The following RHOQ variants were observed in gnomAD, a reference collection of about 807,000 sequenced individuals.
RHOQ encodes the protein rho-related GTP-binding protein RhoQ.
A neutral mutation model predicts 25.8 loss-of-function variants in RHOQ; 7 were observed. The observed-to-expected ratio is 0.27, with a 90% CI of 0.15 to 0.51. The LOEUF (loss-of-function observed/expected upper bound fraction) is 0.51. Among genes scored for constraint, RHOQ ranks in the 20% least tolerant of loss-of-function variants. The pLI, the probability that RHOQ is intolerant of heterozygous loss-of-function variation, is 0.97. For synonymous variants in RHOQ, 97 were observed against 98.6 expected, an observed-to-expected ratio of 0.98 and a Z score of 0.10; for missense variants, 165 against 260.6, an observed-to-expected ratio of 0.63 and a Z score of 2.53.
chr2:46,580,285 C>G (rs988231927), intron 4 of RHOQ: 1 of 152,382 alleles, frequency 6.6e-6, no homozygotes, highest in African/African-American at 2.4e-5. Flanking sequence ...AACCTTTGTA[C>G]TTTTGTTGTT....
chr2:46,543,059 C>G lies in RHOQ; in HGVS notation c.13C>G (p.Pro5Ala). The change falls in exon 1 of 5, where the codon CCC becomes GCC. Residue 5 changes from proline to alanine, a missense_variant. Pro to Ala is a conservative substitution (Grantham distance 27). Coordinates refer to ENST00000238738, the MANE Select transcript of RHOQ (RefSeq NM_012249.4). MAHG[P>A]GALMLKCVVV... is the part of the protein sequence containing the mutation. ...GGCCGGCAGCAGCATGGCTCACGGG[C>G]CCGGCGCGCTGATGCTCAAGTGCGT... 4 of 1,601,392 alleles carry G rather than the reference C, an allele frequency of 2.5e-6. No individual in the cohort carries two copies. The highest frequency in any genetic ancestry group is 3.4e-6 in the Non-Finnish European group (4 of 1,175,432).
At position 46,548,487 on chromosome 2, in the gene RHOQ, G is replaced by A. The variant is rs2103983704; in HGVS notation, c.201+4675G>A. ...TTCAAGGTAGACTTCTCCCAGATGA[G>A]GAAATTGGGAACAAGTGGGCTTATG... On this transcript the variant is annotated intron_variant, in intron 2 of 4. Coordinates refer to ENST00000238738, the MANE Select transcript of RHOQ (RefSeq NM_012249.4). The surrounding 1 kb of genome is among the most constrained non-coding windows in gnomAD (Gnocchi z 5.2). 6.6e-6 allele frequency among the ~76,000 whole-genome samples: 1 copy of A among 152,358 alleles called. No individual in the cohort carries two copies. The highest frequency in any genetic ancestry group is 2.1e-4 in the South Asian group (1 of 4,826).
At chr2:46,568,384 A>G (rs577270692) in intron 2 of RHOQ, 1 of 152,328 alleles carries the variant, frequency 6.6e-6, no homozygotes, top group Non-Finnish European at 1.5e-5. Context: ...TAGGGTAAAG[A>G]CACAGGAAGC....
At chr2:46,563,264 G>T (rs978742645) in intron 2 of RHOQ, among the ~76,000 whole-genome samples, 2 of 152,124 alleles carry the variant, frequency 1.3e-5, no homozygotes, top group Admixed American at 1.3e-4. Flanking sequence ...CCACCTCTCC[G>T]TGTGACTCTG....
In RHOQ at chr2:46,556,046, C is replaced by G. The variant is rs961503244; in HGVS notation, c.201+12234C>G. On this transcript the variant is annotated intron_variant, in intron 2 of 4. Coordinates refer to ENST00000238738, the MANE Select transcript of RHOQ (RefSeq NM_012249.4). This position sits in a 1 kb window ranked among gnomAD's most constrained non-coding sequence, Gnocchi z 4.9. ...CCCCAGAACGAAACCCCATACCCAC[C>G]GACAGTCACTCCCCACCATTCCTCC... 6.6e-6 allele frequency among the ~76,000 whole-genome samples: 1 copy of G among 152,116 alleles called. No homozygotes were observed. Among genetic ancestry groups the G allele is most frequent in the Non-Finnish European group, 1.5e-5 (1 of 68,016 alleles).
chr2:46,559,327 T>C (rs1006299899), intron 2 of RHOQ, among the ~76,000 whole-genome samples: 4 of 152,188 alleles, frequency 2.6e-5, no homozygotes, highest in Non-Finnish European at 5.9e-5. Flanking sequence ...TCATCTCTGA[T>C]TTCTCTGAGG....
chr2:46,563,780 T>G (rs1329305031), intron 2 of RHOQ, among the ~76,000 whole-genome samples: 2 of 152,088 alleles, frequency 1.3e-5, no homozygotes, highest in East Asian at 3.9e-4. Flanking sequence ...ATCATACCTT[T>G]GCACACTTGT....
At position 46,552,146 on chromosome 2, in the gene RHOQ, T is replaced by C. The variant is rs529931391; in HGVS notation, c.201+8334T>C. On this transcript the variant is annotated intron_variant, in intron 2 of 4. Transcript: ENST00000238738. The surrounding 1 kb of genome is among the most constrained non-coding windows in gnomAD (Gnocchi z 5.0). ...TCTAGCTAGAAGAGATGGTGGAACA[T>C]TGTGTATAGGTGGAACACGTAGGGA... is the stretch of plus-strand genomic sequence containing the variant. Among the ~76,000 whole-genome samples, 187 of 152,334 alleles carry C rather than the reference T, an allele frequency of 1.2e-3. No homozygotes were observed. Among genetic ancestry groups the C allele is most frequent in the Middle Eastern group, 6.8e-3 (2 of 294 alleles).
At chr2:46,546,472 ATG>A (rs56832386) in intron 2 of RHOQ, among the ~76,000 whole-genome samples, 2,535 of 69,682 alleles carry the variant, frequency 0.036, 147 homozygotes, top group Middle Eastern at 0.058. Flanking sequence ...ATATATATAT[ATG>A]TGTATATATA....
In RHOQ at chr2:46,543,072, T is replaced by C; in HGVS notation, c.26T>C (p.Met9Thr). 1.2e-6 allele frequency: 2 copies of C among 1,604,860 alleles called. No individual in the cohort carries two copies. The highest frequency in any genetic ancestry group is 1.7e-6 in the Non-Finnish European group (2 of 1,176,588). The change falls in exon 1 of 5, where the codon ATG becomes ACG. Residue 9 changes from methionine to threonine, a missense_variant. By Grantham distance (81) the Met-to-Thr change is moderately conservative. Transcript: ENST00000238738. ...ATGGCTCACGGGCCCGGCGCGCTGA[T>C]GCTCAAGTGCGTGGTGGTCGGCGAC... is the stretch of plus-strand genomic sequence containing the variant. MAHGPGAL[M>T]LKCVVVGDGA...
intron 2 of RHOQ, among the ~76,000 whole-genome samples, chr2:46,572,251 T>A (rs1170020688): frequency 1.3e-5 from 2 of 151,492 alleles, no homozygotes; most frequent in Non-Finnish European, 2.9e-5. Context: ...TGCAGGCATG[T>A]GCCACCATGC....
In RHOQ at chr2:46,548,722, G is replaced by T. The variant is rs144737502; in HGVS notation, c.201+4910G>T. ...CATCAGCTGCAACAGGTGAGATGCT[G>T]GCACTGAGCATCCTGGTTTCCCTTA... On this transcript the variant is annotated intron_variant, in intron 2 of 4. Coordinates refer to ENST00000238738, the MANE Select transcript of RHOQ (RefSeq NM_012249.4). This position sits in a 1 kb window ranked among gnomAD's most constrained non-coding sequence, Gnocchi z 5.2. Among the ~76,000 whole-genome samples, 9 of 152,078 alleles carry T rather than the reference G, an allele frequency of 5.9e-5. No individual in the cohort carries two copies. Among genetic ancestry groups the T allele is most frequent in the African/African-American group, 2.2e-4 (9 of 41,374 alleles).
At position 46,566,252 on chromosome 2, in the gene RHOQ, A is replaced by G. The variant is rs1382494707; in HGVS notation, c.202-9835A>G. On this transcript the variant is annotated intron_variant, in intron 2 of 4. Coordinates refer to ENST00000238738, the MANE Select transcript of RHOQ (RefSeq NM_012249.4). This position sits in a 1 kb window ranked among gnomAD's most constrained non-coding sequence, Gnocchi z 4.2. ...GTTGAATTTGAGATGCTTCTGGTTCAGCTAAAAGGAGGTACATAGTAATAA... is the reference window on the plus strand; with the variant it reads ...GTTGAATTTGAGATGCTTCTGGTTCGGCTAAAAGGAGGTACATAGTAATAA... Among the ~76,000 whole-genome samples, 3 of 152,194 alleles carry G rather than the reference A, an allele frequency of 2.0e-5. No homozygotes were observed. Among genetic ancestry groups the G allele is most frequent in the Admixed American group, 6.5e-5 (1 of 15,282 alleles).
At chr2:46,578,195 C>G (rs1241413266) in intron 4 of RHOQ, among the ~76,000 whole-genome samples, 1 of 151,878 alleles carries the variant, frequency 6.6e-6, no homozygotes, top group Non-Finnish European at 1.5e-5. Context: ...ATAGAATTGG[C>G]AAAAAATGAG....
At chr2:46,543,230 C>G in intron 1 of RHOQ, 42 bp downstream of exon 1, 3 of 1,608,334 alleles carry the variant, frequency 1.9e-6, no homozygotes, top group Non-Finnish European at 2.5e-6. Flanking sequence ...CTCCCCGGGC[C>G]GGGAACTTTG....
At position 46,555,909 on chromosome 2, in the gene RHOQ, G is replaced by A. The variant is rs558190568; in HGVS notation, c.201+12097G>A. 9.2e-5 allele frequency among the ~76,000 whole-genome samples: 14 copies of A among 152,310 alleles called. No homozygotes were observed. The highest frequency in any genetic ancestry group is 2.4e-4 in the African/African-American group (10 of 41,562). On this transcript the variant is annotated intron_variant, in intron 2 of 4. Coordinates refer to ENST00000238738, the MANE Select transcript of RHOQ (RefSeq NM_012249.4). This position sits in a 1 kb window ranked among gnomAD's most constrained non-coding sequence, Gnocchi z 4.3. ...CATCTAGGCAAGCTGGTGTTAAGAC[G>A]CAAGTAATTACTCAGAGAAATTGCT...
chr2:46,576,190 A>C lies in RHOQ; in HGVS notation c.305A>C (p.Glu102Ala). The C allele has an allele frequency of 6.2e-7, 1 of 1,613,192 alleles. No individual in the cohort carries two copies. Among genetic ancestry groups the C allele is most frequent in the Non-Finnish European group, 8.5e-7 (1 of 1,179,418 alleles). The change falls in exon 3 of 5, where the codon GAG (glutamate) becomes GCG (alanine). Residue 102 changes from glutamate (E) to alanine (A), a missense_variant. Transcript: ENST00000238738. The surrounding 1 kb of genome is among the most constrained non-coding windows in gnomAD (Gnocchi z 5.1). ...GCCTCATTTCAAAATGTGAAAGAGG[A>C]GTGGGTACCGGAACTTAAGGAATAC... ...NPASFQNVKEEWVPELKEYAP... is the reference protein window; with the variant it reads ...NPASFQNVKEAWVPELKEYAP...
intron 2 of RHOQ, among the ~76,000 whole-genome samples, chr2:46,570,989 A>G (rs544098928): frequency 9.2e-5 from 14 of 152,316 alleles, no homozygotes; most frequent in Admixed American, 6.5e-4. Flanking sequence ...TCTTCAAAGC[A>G]TTTGTCACTG....
chr2:46,578,592 A>G (rs1572759050), intron 4 of RHOQ, among the ~76,000 whole-genome samples: 1 of 145,112 alleles, frequency 6.9e-6, no homozygotes, highest in Admixed American at 6.9e-5. Flanking sequence ...AAAAAAAAAA[A>G]AAAAAAAAAA....
Sources: gnomAD v4.1 joint callset for allele counts (sites outside exome capture counted in the v4.1 genomes callset) on GRCh38, gnomAD v4.1.1 for gene constraint, Gnocchi (gnomAD v3.1) non-coding constraint, MANE v1.5 for transcripts, NCBI Gene and HGNC (gene_info 2026-07-23, HGNC 2026-07-21) for gene names.